Variants in COXFA4L2 observed in about 807,000 individuals in gnomAD.
COXFA4L2 encodes cytochrome c oxidase hypoxia associated subunit FA4L2, also known as NADH dehydrogenase (ubiquinone) 1 alpha subcomplex, 4-like 2.
At chr12:57,236,858 A>C in the COXFA4L2 span, among the ~76,000 whole-genome samples, 1 of 151,394 alleles carries the variant, frequency 6.6e-6, no homozygotes, top group Admixed American at 6.6e-5. Flanking sequence ...GATCGTGTCC[A>C]AGGTAGTAGA....
chr12:57,237,051 C>T, the COXFA4L2 span: 5 of 1,614,158 alleles, frequency 3.1e-6, no homozygotes, highest in Non-Finnish European at 4.2e-6. Context: ...TTTGATCTGC[C>T]GGTAGAAGCG....
At chr12:57,235,581 C>T in the COXFA4L2 span, 2 of 1,614,052 alleles carry the variant, frequency 1.2e-6, no homozygotes, top group Admixed American at 3.3e-5. Context: ...CTGGCCGGTC[C>T]TTCTTCAGCT....
At chr12:57,237,412 G>A in the COXFA4L2 span, 1 of 1,212,594 alleles carries the variant, frequency 8.2e-7, no homozygotes, top group Non-Finnish European at 1.1e-6. Context: ...GACCCCATAA[G>A]ATGTGGGAGG....
At chr12:57,238,291 C>A in the COXFA4L2 span, among the ~76,000 whole-genome samples, 1 of 152,270 alleles carries the variant, frequency 6.6e-6, no homozygotes, top group East Asian at 1.9e-4. The surrounding 1 kb of genome is among the most constrained non-coding windows in gnomAD (Gnocchi z 6.8). Context: ...CTCTGACAAG[C>A]GCGGCTGTAA....
chr12:57,236,049 C>T, the COXFA4L2 span: 53 of 411,150 alleles, frequency 1.3e-4, no homozygotes, highest in Non-Finnish European at 2.1e-4. Context: ...AAACTGACAA[C>T]GGGGCCCAGG....
At chr12:57,236,042 C>G in the COXFA4L2 span, 5 of 411,352 alleles carry the variant, frequency 1.2e-5, no homozygotes, top group Non-Finnish European at 2.1e-5. Context: ...GCGTGACAAA[C>G]TGACAACGGG....
At chr12:57,235,474 A>G in the COXFA4L2 span, 2 of 1,397,584 alleles carry the variant, frequency 1.4e-6, no homozygotes, top group Non-Finnish European at 1.0e-6. Context: ...GGGTGGCCGG[A>G]GTGATGCCTT....
chr12:57,235,275 A>C, the COXFA4L2 span: 3 of 534,450 alleles, frequency 5.6e-6, no homozygotes, highest in Non-Finnish European at 3.4e-6. Context: ...AGGCCCGGGT[A>C]GGAGGGCAGA....
the COXFA4L2 span, chr12:57,237,739 C>T: frequency 1.3e-5 from 2 of 154,500 alleles, no homozygotes; most frequent in Admixed American, 6.5e-5. Flanking sequence ...GGATAGAATA[C>T]GCCAGTTTAT....
At chr12:57,238,410 G>T in the COXFA4L2 span, among the ~76,000 whole-genome samples, 2 of 152,170 alleles carry the variant, frequency 1.3e-5, no homozygotes, top group Non-Finnish European at 1.5e-5. This position sits in a 1 kb window ranked among gnomAD's most constrained non-coding sequence, Gnocchi z 6.8. Context: ...ATGTGTGTGG[G>T]GGGGGCGGGG....
chr12:57,236,700 G>A, the COXFA4L2 span: 1 of 1,545,846 alleles, frequency 6.5e-7, no homozygotes, highest in Non-Finnish European at 8.8e-7. Context: ...AAGAGGGAGA[G>A]CACTTTTGGG....
At chr12:57,237,174 C>T in the COXFA4L2 span, 7 of 1,610,036 alleles carry the variant, frequency 4.3e-6, no homozygotes, top group Admixed American at 1.0e-4. Flanking sequence ...GGGATCAGCC[C>T]AGCCCAGAGC....
At chr12:57,239,494 G>C in the COXFA4L2 span, 3 of 152,340 alleles carry the variant, frequency 2.0e-5, no homozygotes, top group Non-Finnish European at 4.4e-5. This position sits in a 1 kb window ranked among gnomAD's most constrained non-coding sequence, Gnocchi z 5.5. Flanking sequence ...GGTTCAGGCG[G>C]GTTCCTCTTC....
At chr12:57,235,954 TACTG>T in the COXFA4L2 span, 3 of 591,020 alleles carry the variant, frequency 5.1e-6, no homozygotes, top group African/African-American at 1.9e-5. Context: ...ATTTCCCAGA[TACTG>T]ACAAAGGAAC....
chr12:57,235,698 G>A, the COXFA4L2 span: 2 of 1,611,878 alleles, frequency 1.2e-6, no homozygotes, highest in African/African-American at 1.3e-5. Context: ...GTGGGTGCCA[G>A]GACCAGGAGA....
the COXFA4L2 span, chr12:57,236,612 G>A: frequency 6.3e-7 from 1 of 1,584,426 alleles, no homozygotes; most frequent in Non-Finnish European, 8.6e-7. Context: ...GGGCTGCGAA[G>A]GGCGAGTCGC....
the COXFA4L2 span, chr12:57,237,310 C>T: frequency 5.8e-5 from 83 of 1,427,464 alleles, no homozygotes; most frequent in East Asian, 7.6e-4. Context: ...TTCTGCTCTC[C>T]GACTCTCTCC....
the COXFA4L2 span, chr12:57,236,446 G>A: frequency 1.6e-6 from 1 of 637,942 alleles, no homozygotes; most frequent in Non-Finnish European, 2.6e-6. Flanking sequence ...GGGTCTCCCA[G>A]GTCAGCAGTG....
At chr12:57,235,709 T>TA in the COXFA4L2 span, 1 of 1,611,560 alleles carries the variant, frequency 6.2e-7, no homozygotes, top group Non-Finnish European at 8.5e-7. Context: ...GACCAGGAGA[T>TA]AAGAGGATGG....
Sources: allele counts gnomAD v4.1 joint callset (sites outside exome capture counted in the v4.1 genomes callset), GRCh38; gene constraint gnomAD v4.1.1; non-coding constraint Gnocchi (gnomAD v3.1); transcripts MANE v1.5; gene names NCBI Gene and HGNC (gene_info 2026-07-23, HGNC 2026-07-21).